DHRSX: variants seen among roughly 807,000 people sequenced by gnomAD.
DHRSX encodes the protein polyprenol dehydrogenase.
A neutral mutation model predicts 34.0 loss-of-function variants in DHRSX; 31 were observed. The observed-to-expected ratio is 0.91, with a 90% confidence interval of 0.69 to 1.23. DHRSX has a LOEUF of 1.23. DHRSX is among the 50% of genes most tolerant of loss of function. The pLI is 0.00. For missense variants in DHRSX, 414 were observed against 428.1 expected (o/e 0.97, Z 0.29); for synonymous variants, 201 against 183.8 (o/e 1.09, Z -0.76).
At chrX:2,325,723 A>C (rs1246436465) in intron 3 of DHRSX, among the ~76,000 whole-genome samples, 1 of 152,194 alleles carries the variant, frequency 6.6e-6, no homozygotes, top group African/African-American at 2.4e-5. Flanking sequence ...GCTTGATGGA[A>C]CCAATCTCTG....
intron 3 of DHRSX, among the ~76,000 whole-genome samples, chrX:2,307,074 T>C (rs1046063659): frequency 6.6e-6 from 1 of 152,104 alleles, no homozygotes; most frequent in African/African-American, 2.4e-5. Context: ...CCATCAATTA[T>C]GTGTTGGATG....
At chrX:2,315,177 G>A (rs1042779536) in intron 3 of DHRSX, among the ~76,000 whole-genome samples, 1 of 137,580 alleles carries the variant, frequency 7.3e-6, no homozygotes, top group Non-Finnish European at 1.6e-5. Context: ...AAAAAAAAAC[G>A]TTAGGTCTTA....
rs1229579860 is a variant in DHRSX at position 2,314,451 on chromosome X, AAGGG to A, written c.287-22852_287-22849del. On this transcript the variant is annotated intron_variant, in intron 3 of 6. Coordinates refer to ENST00000334651, the MANE Select transcript of DHRSX (RefSeq NM_145177.3). ...GGGAGAAGGGAGGAAGGAAGGGGAG[AAGGG>A]AGGAAGGAAGGGGAGAAGGAAGGAA... is the stretch of plus-strand genomic sequence containing the variant. Among the ~76,000 whole-genome samples, 10 of 98,332 alleles carry A rather than the reference AAGGG, an allele frequency of 1.0e-4. No homozygotes were observed. In the South Asian group the frequency reaches 1.5e-3, roughly 14 times the overall value. 64.5% of individuals were successfully genotyped at this position (98,332 alleles called of 152,430 possible).
chrX:2,229,754 T>A (rs748278619), intron 6 of DHRSX, among the ~76,000 whole-genome samples: 2 of 152,244 alleles, frequency 1.3e-5, no homozygotes, highest in African/African-American at 4.8e-5. Context: ...TATATGTGCA[T>A]GCATGTGTGT....
intron 3 of DHRSX, among the ~76,000 whole-genome samples, chrX:2,318,192 G>GAAA (rs559205251): frequency 8.3e-5 from 9 of 108,624 alleles, no homozygotes; most frequent in South Asian, 7.0e-4. Context: ...CAAAAATACA[G>GAAA]AAAAAAAAAA....
intron 3 of DHRSX, among the ~76,000 whole-genome samples, chrX:2,314,573 C>A (rs1228873371): frequency 6.8e-6 from 1 of 147,678 alleles, no homozygotes; most frequent in Non-Finnish European, 1.5e-5. Context: ...CTTCTCAGGG[C>A]AATTTCAAGG....
At chrX:2,499,053 C>A (rs182383658) in intron 1 of DHRSX, among the ~76,000 whole-genome samples, 2,486 of 152,230 alleles carry the variant, frequency 0.016, 60 homozygotes, top group African/African-American at 0.049. Flanking sequence ...TGGCTAGAGG[C>A]GGGAGAGAGA....
chrX:2,392,449 C>G (rs748363901), intron 3 of DHRSX: 1 of 301,750 alleles, frequency 3.3e-6, no homozygotes. Flanking sequence ...AAAGCCAGCC[C>G]GGGCAACACA....
chrX:2,326,550 T>C (rs183524026), intron 3 of DHRSX, among the ~76,000 whole-genome samples: 194 of 152,114 alleles, frequency 1.3e-3, no homozygotes, highest in South Asian at 3.7e-3. Flanking sequence ...GAAAAACTTC[T>C]GGGGGCCCAT....
intron 1 of DHRSX, among the ~76,000 whole-genome samples, chrX:2,455,646 C>T (rs1335246961): frequency 2.1e-5 from 3 of 146,278 alleles, no homozygotes; most frequent in Admixed American, 7.0e-5. Flanking sequence ...CAGGCTGATG[C>T]GGGAGAATCC....
chrX:2,433,099 G>C lies in DHRSX; in HGVS notation c.110-7795C>G, dbSNP rs758557139. On this transcript the variant is annotated intron_variant, in intron 1 of 6. Coordinates refer to ENST00000334651, the MANE Select transcript of DHRSX (RefSeq NM_145177.3). ...AGATCGTGCCACTGCACTCCAGGAGGAACAAGACACTATCTCAAAAAAAAA... is the reference window on the plus strand; with the variant it reads ...AGATCGTGCCACTGCACTCCAGGAGCAACAAGACACTATCTCAAAAAAAAA... 1.4e-4 allele frequency among the ~76,000 whole-genome samples: 21 copies of C among 151,560 alleles called. No individual in the cohort carries two copies. In the East Asian group the frequency reaches 3.9e-3, roughly 28 times the overall value.
At chrX:2,229,769 G>A (rs1403163687) in intron 6 of DHRSX, among the ~76,000 whole-genome samples, 1 of 152,086 alleles carries the variant, frequency 6.6e-6, no homozygotes, top group African/African-American at 2.4e-5. Flanking sequence ...GTGTGTGGGG[G>A]CGCAGATGTG....
At chrX:2,313,451 C>G (rs1386085852) in intron 3 of DHRSX, among the ~76,000 whole-genome samples, 3 of 151,876 alleles carry the variant, frequency 2.0e-5, no homozygotes, top group Non-Finnish European at 2.9e-5. Flanking sequence ...TCACTGCAAC[C>G]TCCGCCTCCC....
At chrX:2,340,756 G>C (rs1222374522) in intron 3 of DHRSX, among the ~76,000 whole-genome samples, 2 of 152,122 alleles carry the variant, frequency 1.3e-5, no homozygotes, top group Admixed American at 6.6e-5. Flanking sequence ...AGGCTTGGGA[G>C]AAAGATAGGC....
intron 3 of DHRSX, chrX:2,334,556 T>C (rs73189639): frequency 0.34 from 51,096 of 151,904 alleles, 12,281 homozygotes; most frequent in African/African-American, 0.68. Context: ...TGGGCTCAAG[T>C]GATCCTCCCG....
chrX:2,425,600 C>T (rs189737464), intron 1 of DHRSX, among the ~76,000 whole-genome samples: 406 of 152,284 alleles, frequency 2.7e-3, no homozygotes, highest in Admixed American at 5.0e-3. Context: ...GTCTGCAGAA[C>T]GGATACCCTT....
chrX:2,309,804 G>C (rs1442191008), intron 3 of DHRSX, among the ~76,000 whole-genome samples: 2 of 152,100 alleles, frequency 1.3e-5, no homozygotes, highest in Admixed American at 1.3e-4. Flanking sequence ...TCCCAGCTAC[G>C]TGGGAGGCTG....
intron 4 of DHRSX, among the ~76,000 whole-genome samples, chrX:2,270,025 C>T (rs1173628899): frequency 1.3e-5 from 2 of 152,032 alleles, no homozygotes; most frequent in Non-Finnish European, 2.9e-5. Context: ...TCTAGCATTT[C>T]TCTATGTGTT....
At chrX:2,255,297 C>T (rs66784955) in intron 5 of DHRSX, among the ~76,000 whole-genome samples, 39,898 of 151,998 alleles carry the variant, frequency 0.26, 7,027 homozygotes, top group African/African-American at 0.48. Flanking sequence ...CTGATACTTT[C>T]GCTCATAGAC....
Sources: allele counts gnomAD v4.1 joint callset (sites outside exome capture counted in the v4.1 genomes callset), GRCh38; gene constraint gnomAD v4.1.1; transcripts MANE v1.5; gene names NCBI Gene and HGNC (gene_info 2026-07-23, HGNC 2026-07-21).